Variants in FNDC3B observed in about 807,000 individuals in gnomAD.
The protein encoded by FNDC3B is fibronectin type III domain containing 3B, also known as fibronectin type III domain-containing protein 3B.
A neutral mutation model predicts 151.5 loss-of-function variants in FNDC3B; 12 were observed. That is an observed-to-expected ratio of 0.08 (90% confidence interval 0.05 to 0.13). The LOEUF (loss-of-function observed/expected upper bound fraction) is 0.13, where lower values mean the gene tolerates loss of function less well. Among genes scored for constraint, FNDC3B ranks in the 10% least tolerant of loss-of-function variants. The pLI is 1.00. For synonymous variants in FNDC3B, 528 were observed against 549.0 expected (o/e 0.96, Z 0.54); for missense variants, 1,214 against 1,505.3 (o/e 0.81, Z 3.20).
At chr3:172,319,214 T>G (rs767093044) in intron 11 of FNDC3B, among the ~76,000 whole-genome samples, 1 of 152,222 alleles carries the variant, frequency 6.6e-6, no homozygotes, top group African/African-American at 2.4e-5. Flanking sequence ...GAAGACTGCC[T>G]TGGGCCTTCA....
At chr3:172,266,899 T>C (rs1728949254) in intron 6 of FNDC3B, among the ~76,000 whole-genome samples, 1 of 152,220 alleles carries the variant, frequency 6.6e-6, no homozygotes, top group Admixed American at 6.5e-5. Context: ...CACAGTCTCC[T>C]TCCAGCATCT....
chr3:172,379,994 T>C (rs1158811998), intron 24 of FNDC3B, among the ~76,000 whole-genome samples: 1 of 152,196 alleles, frequency 6.6e-6, no homozygotes, highest in East Asian at 1.9e-4. Flanking sequence ...TTTAATCTGA[T>C]AGGCTTCCTT....
At chr3:172,079,926 T>C (rs1718196531) in intron 1 of FNDC3B, among the ~76,000 whole-genome samples, 1 of 152,142 alleles carries the variant, frequency 6.6e-6, no homozygotes. Context: ...ACATCTCAGA[T>C]GTTCAGCTTC....
chr3:172,271,342 T>C (rs919549418), intron 6 of FNDC3B, among the ~76,000 whole-genome samples: 1 of 152,212 alleles, frequency 6.6e-6, no homozygotes, highest in Non-Finnish European at 1.5e-5. Context: ...TGTTTCAACC[T>C]TTTGTTTTAA....
At chr3:172,351,919 T>C (rs904187660) in intron 21 of FNDC3B, among the ~76,000 whole-genome samples, 13 of 152,162 alleles carry the variant, frequency 8.5e-5, no homozygotes, top group African/African-American at 3.1e-4. Context: ...CAAGTGGAGA[T>C]ACTCAGTGGT....
intron 1 of FNDC3B, among the ~76,000 whole-genome samples, chr3:172,086,059 A>G (rs1051877803): frequency 4.6e-5 from 7 of 152,146 alleles, no homozygotes; most frequent in African/African-American, 1.7e-4. Context: ...GTTGTCTAAG[A>G]CCTAAACAAT....
At chr3:172,244,200 T>G (rs1057488793) in intron 4 of FNDC3B, among the ~76,000 whole-genome samples, 1 of 152,190 alleles carries the variant, frequency 6.6e-6, no homozygotes, top group Non-Finnish European at 1.5e-5. Flanking sequence ...ATAGTTGAAT[T>G]GAATACAGGT....
At chr3:172,131,407 A>G (rs1013988137) in intron 2 of FNDC3B, among the ~76,000 whole-genome samples, 8 of 152,168 alleles carry the variant, frequency 5.3e-5, no homozygotes, top group Admixed American at 2.0e-4. Flanking sequence ...AAAAAAAAAA[A>G]AAAACCAAAT....
intron 3 of FNDC3B, among the ~76,000 whole-genome samples, chr3:172,163,656 G>A (rs986106070): frequency 1.2e-4 from 18 of 152,138 alleles, no homozygotes; most frequent in East Asian, 9.6e-4. Flanking sequence ...GTAGCTGTTC[G>A]TTCATTTTTT....
At position 172,360,666 on chromosome 3, in the gene FNDC3B, A is replaced by T. The variant is rs545263748; in HGVS notation, c.2796-1967A>T. 4.3e-4 allele frequency among the ~76,000 whole-genome samples: 66 copies of T among 152,220 alleles called. No homozygotes were observed. In the Middle Eastern group the frequency reaches 0.014, roughly 31 times the overall value. On this transcript the variant is annotated intron_variant, in intron 22 of 25. Transcript: ENST00000415807. ...CTCCTATTGATATCCAATTATTTCA[A>T]CACCATTTGTTGAAAAGACTGTCTT...
At position 172,378,420 on chromosome 3, in the gene FNDC3B, C is replaced by A. The variant is rs772258822; in HGVS notation, c.3159C>A (p.Val1053=). Residue 1053 remains valine, a synonymous_variant, in exon 24 of 26, where the codon GTC becomes GTA. Coordinates refer to ENST00000415807, the MANE Select transcript of FNDC3B (RefSeq NM_022763.4). ...ATACCTTCAGCACAACCAAAAGTGTCCCCCCCACCATCAAAGGTGTGTAGA... is the reference window on the plus strand; with the variant it reads ...ATACCTTCAGCACAACCAAAAGTGTACCCCCCACCATCAAAGGTGTGTAGA... The part of the protein sequence containing the change: ...ETYTFSTTKS[V]PPTIKAPRVT... 2 of 1,609,514 alleles carry A rather than the reference C, an allele frequency of 1.2e-6. No individual in the cohort carries two copies. The highest frequency in any genetic ancestry group is 1.7e-6 in the Non-Finnish European group (2 of 1,177,922).
intron 14 of FNDC3B, among the ~76,000 whole-genome samples, chr3:172,334,568 G>A (rs1484447189): frequency 2.0e-5 from 3 of 152,160 alleles, no homozygotes; most frequent in Admixed American, 6.5e-5. Flanking sequence ...TCAGCCTCCC[G>A]AGTAGCTGGG....
intron 6 of FNDC3B, among the ~76,000 whole-genome samples, chr3:172,270,630 A>G (rs1468255725): frequency 6.6e-6 from 1 of 152,132 alleles, no homozygotes; most frequent in Non-Finnish European, 1.5e-5. Flanking sequence ...ATTCTTCATG[A>G]CACCCACCAC....
At chr3:172,176,412 C>T (rs542739561) in intron 3 of FNDC3B, among the ~76,000 whole-genome samples, 6 of 152,312 alleles carry the variant, frequency 3.9e-5, no homozygotes, top group African/African-American at 1.4e-4. Context: ...AGTTAACCTT[C>T]CATGGACTAT....
At chr3:172,303,291 T>G (rs1042639131) in intron 9 of FNDC3B, among the ~76,000 whole-genome samples, 52 of 152,120 alleles carry the variant, frequency 3.4e-4, no homozygotes, top group African/African-American at 1.2e-3. Flanking sequence ...TTTGAAGCAG[T>G]TTTCTAGTCA....
chr3:172,298,830 G>A (rs1276979323), intron 9 of FNDC3B, 43 bp downstream of exon 9: 24 of 1,460,944 alleles, frequency 1.6e-5, no homozygotes, highest in Non-Finnish European at 2.2e-5. Context: ...GAGAATCCAG[G>A]TGGCTAAAGC....
intron 8 of FNDC3B, among the ~76,000 whole-genome samples, chr3:172,298,029 G>C (rs1323098251): frequency 6.6e-6 from 1 of 152,128 alleles, no homozygotes; most frequent in Non-Finnish European, 1.5e-5. Flanking sequence ...AGTACCTTTA[G>C]TTGTCATGTC....
At chr3:172,250,838 A>G (rs1236350480) in intron 5 of FNDC3B, among the ~76,000 whole-genome samples, 1 of 152,094 alleles carries the variant, frequency 6.6e-6, no homozygotes, top group Admixed American at 6.5e-5. Flanking sequence ...TCTTTTTGAG[A>G]CAGAGTCTTG....
intron 22 of FNDC3B, among the ~76,000 whole-genome samples, chr3:172,355,555 C>T (rs1734057161): frequency 1.3e-5 from 2 of 152,218 alleles, no homozygotes; most frequent in South Asian, 4.2e-4. Context: ...ATTAGCCTTT[C>T]AGGAGATTTT....
Sources: gnomAD v4.1 joint callset for allele counts (sites outside exome capture counted in the v4.1 genomes callset) on GRCh38, gnomAD v4.1.1 for gene constraint, MANE v1.5 for transcripts, NCBI Gene and HGNC (gene_info 2026-07-23, HGNC 2026-07-21) for gene names.